The following PDE11A variants were observed in gnomAD, a reference collection of about 807,000 sequenced individuals.
The protein encoded by PDE11A is phosphodiesterase 11A, also known as dual 3',5'-cyclic-AMP and -GMP phosphodiesterase 11A.
A neutral mutation model predicts 100.5 loss-of-function variants in PDE11A; 100 were observed. The ratio of observed to expected loss-of-function variants is 1.00; its 90% CI spans 0.85 to 1.18. PDE11A has a LOEUF of 1.18. Among genes scored for constraint, PDE11A ranks in the 50% most tolerant of loss-of-function variants. The pLI is 0.00. For synonymous variants in PDE11A, 381 were observed against 420.8 expected, an observed-to-expected ratio of 0.91 and a Z score of 1.16; for missense variants, 1,141 against 1,152.6, an observed-to-expected ratio of 0.99 and a Z score of 0.15.
Position 177,646,448 on chromosome 2 carries a change from C to T in PDE11A, c.2647-16886G>A, listed in dbSNP as rs796280363. Among the ~76,000 whole-genome samples, 4 of 152,302 alleles carry T rather than the reference C, an allele frequency of 2.6e-5. 1 individual carries two copies. Among genetic ancestry groups the T allele is most frequent in the African/African-American group, 7.2e-5 (3 of 41,560 alleles). On this transcript the variant is annotated intron_variant, in intron 19 of 19. Coordinates refer to ENST00000286063, the MANE Select transcript of PDE11A (RefSeq NM_016953.4). ...GACCTGATTACAACTCAGAATGGTG[C>T]TGTGAGATAGCTATTATTGGCTCTG... is the stretch of plus-strand genomic sequence containing the variant.
At chr2:177,867,190 A>G (rs10197020) in intron 5 of PDE11A, among the ~76,000 whole-genome samples, 15,386 of 152,268 alleles carry the variant, frequency 0.1, 979 homozygotes, top group African/African-American at 0.18. Flanking sequence ...GACACACAAT[A>G]AAGTTGGCAC....
At chr2:178,078,374 T>C (rs2087234457) in intron 2 of PDE11A, among the ~76,000 whole-genome samples, 1 of 152,128 alleles carries the variant, frequency 6.6e-6, no homozygotes, top group African/African-American at 2.4e-5. Flanking sequence ...TAATTCTCCA[T>C]TTAAAAAACA....
chr2:177,637,807 A>G (rs1037488948), intron 19 of PDE11A, among the ~76,000 whole-genome samples: 4 of 150,206 alleles, frequency 2.7e-5, no homozygotes, highest in Admixed American at 6.7e-5. Context: ...CATCTTTTCT[A>G]TATCATTTTG....
Position 177,875,915 on chromosome 2 carries a change from T to C in PDE11A, c.1311A>G (p.Lys437=). 6.2e-7 allele frequency: 1 copy of C among 1,602,758 alleles called. No individual in the cohort carries two copies. Among genetic ancestry groups the C allele is most frequent in the African/African-American group, 1.3e-5 (1 of 74,804 alleles). Reference sequence around the variant, plus strand: ...ACATCAATTCAAAGGATTTGGTAAATTTCACCACCTGTCGCATAGAAAGAT... The same window carrying C: ...ACATCAATTCAAAGGATTTGGTAAACTTCACCACCTGTCGCATAGAAAGAT... ...LLEDIESPVV[K]FTKSFELMSP... is the part of the protein sequence containing the mutation. The change falls in exon 5 of 20, where the codon AAA becomes AAG. Residue 437 remains lysine, a synonymous_variant. Coordinates refer to ENST00000286063, the MANE Select transcript of PDE11A (RefSeq NM_016953.4).
At chr2:178,047,016 A>G (rs551905650) in intron 1 of PDE11A, among the ~76,000 whole-genome samples, 4 of 152,096 alleles carry the variant, frequency 2.6e-5, no homozygotes, top group Non-Finnish European at 4.4e-5. Context: ...TTAGATGAAT[A>G]ATTATGCAGA....
At chr2:178,004,005 A>G (rs2086175250) in intron 2 of PDE11A, among the ~76,000 whole-genome samples, 1 of 152,208 alleles carries the variant, frequency 6.6e-6, no homozygotes, top group Non-Finnish European at 1.5e-5. Context: ...TACATGGTGG[A>G]AAATAATGCA....
At chr2:177,939,535 GGAAGGAAGGA>G (rs1559015670) in intron 2 of PDE11A, among the ~76,000 whole-genome samples, 106 of 83,454 alleles carry the variant, frequency 1.3e-3, no homozygotes, top group African/African-American at 4.1e-3. Context: ...GAGGGAGGAA[GGAAGGAAGGA>G]AGGAAGGAAG....
chr2:177,689,992 T>C (rs2081019491), intron 15 of PDE11A, among the ~76,000 whole-genome samples: 1 of 152,100 alleles, frequency 6.6e-6, no homozygotes, highest in South Asian at 2.1e-4. Flanking sequence ...GGGCTCTGAG[T>C]CCCTGAAGGT....
chr2:177,800,867 T>C (rs1323544961), intron 9 of PDE11A, among the ~76,000 whole-genome samples: 2 of 152,142 alleles, frequency 1.3e-5, no homozygotes, highest in East Asian at 3.9e-4. Context: ...ACCAAGGAGA[T>C]TCAACAGGAC....
chr2:178,042,855 C>T (rs1261363789), intron 1 of PDE11A, among the ~76,000 whole-genome samples: 1 of 152,132 alleles, frequency 6.6e-6, no homozygotes, highest in Non-Finnish European at 1.5e-5. Context: ...GGCAAGAGCG[C>T]TTAACCAAGG....
chr2:178,008,423 C>T (rs776735548), intron 2 of PDE11A, among the ~76,000 whole-genome samples: 2 of 152,110 alleles, frequency 1.3e-5, no homozygotes, highest in African/African-American at 2.4e-5. Flanking sequence ...TTAAAAAAAT[C>T]AGTTCTATGC....
At chr2:177,822,092 T>C (rs1418159654) in intron 6 of PDE11A, among the ~76,000 whole-genome samples, 4 of 151,876 alleles carry the variant, frequency 2.6e-5, no homozygotes, top group Non-Finnish European at 5.9e-5. Flanking sequence ...CCTAATATGA[T>C]ATAGGCAAAT....
upstream of PDE11A, among the ~76,000 whole-genome samples, chr2:178,075,282 G>C (rs2087193424): frequency 6.6e-6 from 1 of 152,094 alleles, no homozygotes; most frequent in South Asian, 2.1e-4. Context: ...GCCAAGCATG[G>C]TGGCTCATGC....
At chr2:177,877,134 A>AG (rs1429009023) in intron 4 of PDE11A, among the ~76,000 whole-genome samples, 6 of 146,940 alleles carry the variant, frequency 4.1e-5, no homozygotes, top group African/African-American at 1.6e-4. Flanking sequence ...GGTGGCAGCA[A>AG]GTTAGGGGTG....
At chr2:178,094,594 G>A (rs2087466181) in intron 2 of PDE11A, among the ~76,000 whole-genome samples, 1 of 152,100 alleles carries the variant, frequency 6.6e-6, no homozygotes, top group Admixed American at 6.5e-5. Context: ...TAATAAATAG[G>A]CAGATGAAAA....
chr2:177,748,163 A>G (rs2081979140), intron 10 of PDE11A, among the ~76,000 whole-genome samples: 1 of 152,234 alleles, frequency 6.6e-6, no homozygotes, highest in Non-Finnish European at 1.5e-5. Context: ...GCTCCAGCAC[A>G]TGGAAACACG....
At chr2:178,007,963 C>T (rs1242223960) in intron 2 of PDE11A, among the ~76,000 whole-genome samples, 1 of 152,034 alleles carries the variant, frequency 6.6e-6, no homozygotes, top group Non-Finnish European at 1.5e-5. Context: ...GCCTCGGCCT[C>T]CTAAAGTGCT....
chr2:177,802,551 G>T (rs2082809274), intron 9 of PDE11A, among the ~76,000 whole-genome samples: 1 of 151,934 alleles, frequency 6.6e-6, no homozygotes, highest in South Asian at 2.1e-4. Flanking sequence ...ACCCAACCTG[G>T]ACAAACTTCA....
In PDE11A at chr2:177,806,632, G is replaced by A. The variant is rs545831486; in HGVS notation, c.1737+10197C>T. On this transcript the variant is annotated intron_variant, in intron 9 of 19. Transcript: ENST00000286063. Reference sequence around the variant, plus strand: ...ATGCAATAAATACTTATGAATACATGCAAAGAAGCAGAAAAATGTGACCTA... The same window carrying A: ...ATGCAATAAATACTTATGAATACATACAAAGAAGCAGAAAAATGTGACCTA... 5.9e-5 allele frequency among the ~76,000 whole-genome samples: 9 copies of A among 152,068 alleles called. No homozygotes were observed. In the South Asian group the frequency reaches 1.9e-3, roughly 32 times the overall value.
Sources: allele counts gnomAD v4.1 joint callset (sites outside exome capture counted in the v4.1 genomes callset), GRCh38; gene constraint gnomAD v4.1.1; transcripts MANE v1.5; gene names NCBI Gene and HGNC (gene_info 2026-07-23, HGNC 2026-07-21).